Variants in DERA observed in about 807,000 individuals in gnomAD.
DERA encodes the protein 2-deoxy-D-ribose 5-phosphate aldolase.
Under a neutral mutation model 41.1 loss-of-function variants are expected in DERA, and 15 were observed. The ratio of observed to expected loss-of-function variants is 0.37; its 90% confidence interval spans 0.24 to 0.56. The LOEUF is 0.56. DERA is among the 20% of genes least tolerant of loss of function. DERA has a pLI of 0.81. For synonymous variants in DERA, 139 were observed against 137.4 expected (o/e 1.01, Z -0.08); for missense variants, 396 against 403.4 (o/e 0.98, Z 0.16).
intron 4 of DERA, 79 bp from the exon 5 acceptor site, chr12:15,962,734 T>A: frequency 7.8e-7 from 1 of 1,276,882 alleles, no homozygotes; most frequent in Non-Finnish European, 1.1e-6. Context: ...AATTGAAATT[T>A]GTTTTCCCCT....
At chr12:15,944,443 T>G (rs1948431595) in intron 1 of DERA, among the ~76,000 whole-genome samples, 1 of 152,230 alleles carries the variant, frequency 6.6e-6, no homozygotes, top group Non-Finnish European at 1.5e-5. Context: ...AGATGGTATC[T>G]CATTGTGGTT....
intron 1 of DERA, among the ~76,000 whole-genome samples, chr12:15,933,662 G>A (rs188590483): frequency 1.3e-5 from 2 of 152,178 alleles, no homozygotes; most frequent in East Asian, 1.9e-4. Flanking sequence ...AACTTTTACC[G>A]TTGTTACTGT....
Position 16,035,423 on chromosome 12 carries a change from T to C in DERA, c.751-809T>C, listed in dbSNP as rs2136191534. Reference sequence around the variant, plus strand: ...ACTACCATCTACAGATTCCCAACTCTACTGGATAGTCAGGTTCCTGAAACA... The same window carrying C: ...ACTACCATCTACAGATTCCCAACTCCACTGGATAGTCAGGTTCCTGAAACA... On this transcript the variant is annotated intron_variant, in intron 7 of 8. Transcript: ENST00000428559. This position sits in a 1 kb window ranked among gnomAD's most constrained non-coding sequence, Gnocchi z 4.1. 6.6e-6 allele frequency among the ~76,000 whole-genome samples: 1 copy of C among 152,310 alleles called. No homozygotes were observed. Among genetic ancestry groups the C allele is most frequent in the Non-Finnish European group, 1.5e-5 (1 of 68,026 alleles).
rs1317782481 is a variant in DERA, at chr12:15,936,800, A to G, written c.32-20136A>G. On this transcript the variant is annotated intron_variant, in intron 1 of 8. Coordinates refer to ENST00000428559, the MANE Select transcript of DERA (RefSeq NM_015954.4). This position sits in a 1 kb window ranked among gnomAD's most constrained non-coding sequence, Gnocchi z 4.6. ...TTGTCTCACCACCCGGATTTGTCTG[A>G]TTATTTTCTAGTGATGTCATTTAAC... Among the ~76,000 whole-genome samples, 3 of 150,542 alleles carry G rather than the reference A, an allele frequency of 2.0e-5. No homozygotes were observed. The highest frequency in any genetic ancestry group is 2.0e-4 in the Admixed American group (3 of 15,186).
In DERA at chr12:15,911,878, A is replaced by G; in HGVS notation, c.31+464A>G. 2.3e-6 allele frequency: 1 copy of G among 426,094 alleles called. No individual in the cohort carries two copies. The allele number at this position is 426,094 out of a possible 1,614,324, so 26.4% of individuals were successfully genotyped here. A position where few individuals can be genotyped will look rare whatever the true frequency, so the allele number is the denominator to read the frequency against. Reference sequence around the variant, plus strand: ...TGGCCGTGCTCGTGGAAAAGTTGTCAGCCGTCTGTGCTCAAAATGTAACAC... The same window carrying G: ...TGGCCGTGCTCGTGGAAAAGTTGTCGGCCGTCTGTGCTCAAAATGTAACAC... On this transcript the variant is annotated intron_variant, in intron 1 of 8. Transcript: ENST00000428559. This position sits in a 1 kb window ranked among gnomAD's most constrained non-coding sequence, Gnocchi z 4.5.
chr12:16,015,247 G>C (rs1948973279), intron 6 of DERA, among the ~76,000 whole-genome samples: 1 of 152,130 alleles, frequency 6.6e-6, no homozygotes, highest in South Asian at 2.1e-4. Flanking sequence ...CAGAATGATA[G>C]GGTTAGGCTT....
rs1948403147 is a variant in DERA, at chr12:15,940,807, T to G, written c.32-16129T>G. Among the ~76,000 whole-genome samples, 1 of 152,224 alleles carries G rather than the reference T, an allele frequency of 6.6e-6. No individual in the cohort carries two copies. Among genetic ancestry groups the G allele is most frequent in the African/African-American group, 2.4e-5 (1 of 41,460 alleles). ...TTGCCATCTTTGGACACAGGCATCCTAACATAACTACTAATTTTTTGAGGT... is the reference window on the plus strand; with the variant it reads ...TTGCCATCTTTGGACACAGGCATCCGAACATAACTACTAATTTTTTGAGGT... On this transcript the variant is annotated intron_variant, in intron 1 of 8. Coordinates refer to ENST00000428559, the MANE Select transcript of DERA (RefSeq NM_015954.4). The surrounding 1 kb of genome is among the most constrained non-coding windows in gnomAD (Gnocchi z 5.1).
Position 15,954,059 on chromosome 12 carries a change from G to A in DERA, c.32-2877G>A, listed in dbSNP as rs1299229649. Reference sequence around the variant, plus strand: ...TGGTTTGCAGGGACCTCTGGCAAGAGGTTTCTGAGAAGTGCAAGAGCAGAC... The same window carrying A: ...TGGTTTGCAGGGACCTCTGGCAAGAAGTTTCTGAGAAGTGCAAGAGCAGAC... On this transcript the variant is annotated intron_variant, in intron 1 of 8. Transcript: ENST00000428559. The surrounding 1 kb of genome is among the most constrained non-coding windows in gnomAD (Gnocchi z 4.0). Among the ~76,000 whole-genome samples, 6 of 152,272 alleles carry A rather than the reference G, an allele frequency of 3.9e-5. No homozygotes were observed. The highest frequency in any genetic ancestry group is 3.3e-4 in the Admixed American group (5 of 15,298).
chr12:15,994,919 G>C lies in DERA; in HGVS notation c.637+12483G>C, dbSNP rs748754731. The stretch of plus-strand genomic sequence containing the variant: ...TAAATTCTTTCTGCAGTAATCCCAA[G>C]AGGGAGGGAGGGAGGAGAGGTATCT... On this transcript the variant is annotated intron_variant, in intron 6 of 8. Coordinates refer to ENST00000428559, the MANE Select transcript of DERA (RefSeq NM_015954.4). This position sits in a 1 kb window ranked among gnomAD's most constrained non-coding sequence, Gnocchi z 4.8. Among the ~76,000 whole-genome samples, 2 of 152,186 alleles carry C rather than the reference G, an allele frequency of 1.3e-5. No homozygotes were observed. Among genetic ancestry groups the C allele is most frequent in the Non-Finnish European group, 2.9e-5 (2 of 68,026 alleles).
At chr12:15,939,427 T>C (rs980059012) in intron 1 of DERA, among the ~76,000 whole-genome samples, 1 of 152,182 alleles carries the variant, frequency 6.6e-6, no homozygotes, top group Admixed American at 6.5e-5. Context: ...AAGAGACAAG[T>C]TGAAGTATTC....
In DERA at chr12:15,996,398, C is replaced by G. The variant is rs182584925; in HGVS notation, c.637+13962C>G. ...AGCAGGCTTATGCTCCCTCTGAAAC[C>G]TGTAGGCAAGCCCTTCTTGCTTATT... On this transcript the variant is annotated intron_variant, in intron 6 of 8. Transcript: ENST00000428559. The surrounding 1 kb of genome is among the most constrained non-coding windows in gnomAD (Gnocchi z 4.7). Among the ~76,000 whole-genome samples the G allele has an allele frequency of 6.6e-6, 1 of 152,218 alleles. No homozygotes were observed. The highest frequency in any genetic ancestry group is 1.5e-5 in the Non-Finnish European group (1 of 68,008).
chr12:15,942,488 G>A (rs931632377), intron 1 of DERA, among the ~76,000 whole-genome samples: 1 of 152,092 alleles, frequency 6.6e-6, no homozygotes, highest in African/African-American at 2.4e-5. Flanking sequence ...CATTTTTATG[G>A]TTTCAGATCT....
chr12:15,950,215 A>T (rs531381565), intron 1 of DERA, among the ~76,000 whole-genome samples: 1 of 152,370 alleles, frequency 6.6e-6, no homozygotes, highest in East Asian at 1.9e-4. Flanking sequence ...CTCCATAGAC[A>T]GAGCAGCCCT....
chr12:15,952,907 C>T (rs753463267), intron 1 of DERA, among the ~76,000 whole-genome samples: 1 of 152,194 alleles, frequency 6.6e-6, no homozygotes, highest in Non-Finnish European at 1.5e-5. Flanking sequence ...GCAGTGCTTC[C>T]GGTTTATTTT....
chr12:15,958,315 C>G lies in DERA; in HGVS notation c.257C>G (p.Ala86Gly). The G allele has an allele frequency of 6.2e-7, 1 of 1,603,574 alleles. No individual in the cohort carries two copies. The highest frequency in any genetic ancestry group is 1.1e-5 in the South Asian group (1 of 88,508). ...KYPIREDLLK[A>G]LNMHDKGITT... is the part of the protein sequence containing the mutation. ...CCAATCCGGGAAGATCTCTTAAAAG[C>G]TTTAAATATGCATGATAAAGGTAAT... The change falls in exon 3 of 9, where the codon GCT (alanine) becomes GGT (glycine). Residue 86 changes from alanine (A) to glycine (G), a missense_variant. Ala to Gly is a moderately conservative substitution (Grantham distance 60, BLOSUM62 0). Transcript: ENST00000428559.
intron 1 of DERA, among the ~76,000 whole-genome samples, chr12:15,920,421 C>T (rs1948234342): frequency 6.6e-6 from 1 of 152,170 alleles, no homozygotes; most frequent in Admixed American, 6.5e-5. Context: ...TAGCACGTTG[C>T]GTTACCTTCT....
rs1948218397 is a variant in DERA, at chr12:15,918,604, T to A, written c.31+7190T>A. On this transcript the variant is annotated intron_variant, in intron 1 of 8. Coordinates refer to ENST00000428559, the MANE Select transcript of DERA (RefSeq NM_015954.4). The surrounding 1 kb of genome is among the most constrained non-coding windows in gnomAD (Gnocchi z 4.3). ...TATATAAGAATATTTTAAAAACCTT[T>A]ATGTGGAGTGCCTGCTGTTCCTGGC... 1.3e-5 allele frequency among the ~76,000 whole-genome samples: 2 copies of A among 152,342 alleles called. No individual in the cohort carries two copies. Among genetic ancestry groups the A allele is most frequent in the South Asian group, 4.1e-4 (2 of 4,826 alleles).
intron 6 of DERA, among the ~76,000 whole-genome samples, chr12:16,002,895 A>C (rs550368234): frequency 7.2e-5 from 11 of 152,272 alleles, no homozygotes; most frequent in African/African-American, 1.2e-4. Flanking sequence ...TTTGTGCTGA[A>C]ATACCCTGGA....
In DERA at chr12:16,020,480, C is replaced by T. The variant is rs1168367842; in HGVS notation, c.638-12062C>T. On this transcript the variant is annotated intron_variant, in intron 6 of 8. Coordinates refer to ENST00000428559, the MANE Select transcript of DERA (RefSeq NM_015954.4). The surrounding 1 kb of genome is among the most constrained non-coding windows in gnomAD (Gnocchi z 5.5). ...CACAGACCTAAACCATATCACTCAG[C>T]CTCAGATATTCCTTTGTAGCAATGC... 6.6e-6 allele frequency among the ~76,000 whole-genome samples: 1 copy of T among 152,156 alleles called. No homozygotes were observed. The highest frequency in any genetic ancestry group is 1.9e-4 in the East Asian group (1 of 5,196).
Sources: gnomAD v4.1 joint callset for allele counts (sites outside exome capture counted in the v4.1 genomes callset) on GRCh38, gnomAD v4.1.1 for gene constraint, Gnocchi (gnomAD v3.1) non-coding constraint, MANE v1.5 for transcripts, NCBI Gene and HGNC (gene_info 2026-07-23, HGNC 2026-07-21) for gene names.